The following SPSB1 variants were observed in gnomAD, a reference collection of about 807,000 sequenced individuals.
The protein encoded by SPSB1 is SPRY domain-containing SOCS box protein 1.
In SPSB1, 8 loss-of-function variants were observed where a neutral mutation model predicts 21.2. The ratio of observed to expected loss-of-function variants is 0.38; its 90% CI spans 0.22 to 0.68. The LOEUF (loss-of-function observed/expected upper bound fraction) is 0.68. Among genes scored for constraint, SPSB1 ranks in the 30% least tolerant of loss-of-function variants. The pLI is 0.53. For missense variants in SPSB1, 242 were observed against 377.8 expected (o/e 0.64, Z 2.98); for synonymous variants, 169 against 161.7 (o/e 1.05, Z -0.34).
chr1:9,303,979 G>C (rs1639372949), intron 1 of SPSB1, among the ~76,000 whole-genome samples: 1 of 152,220 alleles, frequency 6.6e-6, no homozygotes, highest in African/African-American at 2.4e-5. Flanking sequence ...GCTGCCCCAG[G>C]TGTGTCTGTG....
intron 1 of SPSB1, among the ~76,000 whole-genome samples, chr1:9,319,811 C>T (rs1639683766): frequency 1.3e-5 from 2 of 152,044 alleles, no homozygotes; most frequent in South Asian, 2.1e-4. Flanking sequence ...TGAGTGAGCC[C>T]TCACATCCAC....
intron 2 of SPSB1, among the ~76,000 whole-genome samples, chr1:9,365,827 G>A (rs538816356): frequency 3.3e-5 from 5 of 152,310 alleles, no homozygotes; most frequent in African/African-American, 1.2e-4. Context: ...AGGGGAGACC[G>A]TGGATGAAGC....
chr1:9,316,309 C>T (rs1422469090), intron 1 of SPSB1, among the ~76,000 whole-genome samples: 3 of 152,138 alleles, frequency 2.0e-5, no homozygotes, highest in East Asian at 3.8e-4. Flanking sequence ...GAGATGGGGG[C>T]GTCCCTTGGC....
At chr1:9,334,651 G>A (rs1357911700) in intron 1 of SPSB1, among the ~76,000 whole-genome samples, 13 of 152,044 alleles carry the variant, frequency 8.6e-5, no homozygotes, top group Non-Finnish European at 1.8e-4. Context: ...GTGCCCATTC[G>A]TCACTGACCC....
At position 9,367,427 on chromosome 1, in the gene SPSB1, G is replaced by A; in HGVS notation, c.695-21G>A. On this transcript the variant is annotated intron_variant, in intron 2 of 2. Coordinates refer to ENST00000328089, the MANE Select transcript of SPSB1 (RefSeq NM_025106.4). The surrounding 1 kb of genome is among the most constrained non-coding windows in gnomAD (Gnocchi z 5.9). ...ACACCCACCCAAGCTGCGCTGACCTGCAGTTTCTCTGTCTCCCCAGCCGAG... is the reference window on the plus strand; with the variant it reads ...ACACCCACCCAAGCTGCGCTGACCTACAGTTTCTCTGTCTCCCCAGCCGAG... 6.2e-7 allele frequency: 1 copy of A among 1,613,058 alleles called. No homozygotes were observed. Among genetic ancestry groups the A allele is most frequent in the African/African-American group, 1.3e-5 (1 of 75,048 alleles).
intron 1 of SPSB1, among the ~76,000 whole-genome samples, chr1:9,310,644 G>T (rs1040822132): frequency 6.6e-6 from 1 of 151,888 alleles, no homozygotes; most frequent in South Asian, 2.1e-4. Context: ...GCAGTGAGTT[G>T]TGATTGCACC....
At chr1:9,360,858 G>T (rs1293488545) in intron 2 of SPSB1, among the ~76,000 whole-genome samples, 1 of 152,238 alleles carries the variant, frequency 6.6e-6, no homozygotes. Flanking sequence ...ACCCGCTTCA[G>T]ATGTGGAGGC....
Position 9,317,300 on chromosome 1 carries a change from G to A in SPSB1, c.-150+24229G>A, listed in dbSNP as rs1639631941. 6.6e-6 allele frequency among the ~76,000 whole-genome samples: 1 copy of A among 152,128 alleles called. No individual in the cohort carries two copies. The highest frequency in any genetic ancestry group is 2.1e-4 in the South Asian group (1 of 4,824). On this transcript the variant is annotated intron_variant, in intron 1 of 2. Coordinates refer to ENST00000328089, the MANE Select transcript of SPSB1 (RefSeq NM_025106.4). The surrounding 1 kb of genome is among the most constrained non-coding windows in gnomAD (Gnocchi z 4.3). ...GGGAAGAAGGGAATAAATGTCACTG[G>A]CGGAAGGTGGCATGTGTGTGCAAAA...
In SPSB1 at chr1:9,364,465, C is replaced by A. The variant is rs1427898293; in HGVS notation, c.695-2983C>A. On this transcript the variant is annotated intron_variant, in intron 2 of 2. Coordinates refer to ENST00000328089, the MANE Select transcript of SPSB1 (RefSeq NM_025106.4). Reference sequence around the variant, plus strand: ...TCCGGGCAGACGGAGGGATGTGCTCCAGGTCAGGCTGCGGGGCAGGGTCTG... The same window carrying A: ...TCCGGGCAGACGGAGGGATGTGCTCAAGGTCAGGCTGCGGGGCAGGGTCTG... 2.0e-5 allele frequency among the ~76,000 whole-genome samples: 3 copies of A among 152,222 alleles called. No individual in the cohort carries two copies. In the East Asian group the frequency reaches 5.8e-4, roughly 29 times the overall value.
At chr1:9,328,725 G>A (rs993082425) in intron 1 of SPSB1, among the ~76,000 whole-genome samples, 1 of 152,224 alleles carries the variant, frequency 6.6e-6, no homozygotes, top group Non-Finnish European at 1.5e-5. Flanking sequence ...ACGTGAAGAT[G>A]GTTTTGTCCC....
chr1:9,313,396 G>A lies in SPSB1; in HGVS notation c.-150+20325G>A, dbSNP rs4908839. Among the ~76,000 whole-genome samples, 1,190 of 152,050 alleles carry A rather than the reference G, an allele frequency of 7.8e-3. 47 individuals are homozygous for A. Among genetic ancestry groups the A allele is most frequent in the Admixed American group, 0.069 (1,059 of 15,266 alleles). ...GCCTGGGCAACAAGAGCGAAACACC[G>A]CTCTTCATTTTCTATAAAATGAAAT... On this transcript the variant is annotated intron_variant, in intron 1 of 2. Coordinates refer to ENST00000328089, the MANE Select transcript of SPSB1 (RefSeq NM_025106.4).
In SPSB1 at chr1:9,355,215, G is replaced by T. The variant is rs571645319; in HGVS notation, c.-149-528G>T. 2.0e-5 allele frequency among the ~76,000 whole-genome samples: 3 copies of T among 152,342 alleles called. No homozygotes were observed. In the East Asian group the frequency reaches 5.8e-4, roughly 29 times the overall value. Reference sequence around the variant, plus strand: ...GCACCAGAAGGCCCTTTTCTGCAGTGAATTGGTGGTGCGTCTGCTGGAGGT... The same window carrying T: ...GCACCAGAAGGCCCTTTTCTGCAGTTAATTGGTGGTGCGTCTGCTGGAGGT... On this transcript the variant is annotated intron_variant, in intron 1 of 2. Coordinates refer to ENST00000328089, the MANE Select transcript of SPSB1 (RefSeq NM_025106.4).
Position 9,343,761 on chromosome 1 carries a change from A to G in SPSB1, c.-149-11982A>G, listed in dbSNP as rs527897971. On this transcript the variant is annotated intron_variant, in intron 1 of 2. Transcript: ENST00000328089. Reference sequence around the variant, plus strand: ...AACCTTTTCCCTTGTGCTCTTGTACAGAGATCCTTCCCATTAGCAGGTTTT... The same window carrying G: ...AACCTTTTCCCTTGTGCTCTTGTACGGAGATCCTTCCCATTAGCAGGTTTT... Among the ~76,000 whole-genome samples the G allele has an allele frequency of 3.5e-4, 53 of 152,084 alleles. 2 individuals carry two copies. In the South Asian group the frequency reaches 5.9e-3, roughly 17 times the overall value.
At chr1:9,353,935 A>G (rs1486586893) in intron 1 of SPSB1, among the ~76,000 whole-genome samples, 10 of 150,296 alleles carry the variant, frequency 6.7e-5, no homozygotes. Context: ...AAAAAAAGGA[A>G]CCCTGTGTCT....
At chr1:9,353,192 C>T (rs552285988) in intron 1 of SPSB1, among the ~76,000 whole-genome samples, 1 of 151,670 alleles carries the variant, frequency 6.6e-6, no homozygotes, top group Admixed American at 6.6e-5. Context: ...CGCCTCAGCC[C>T]GCCCGGCCCC....
intron 1 of SPSB1, among the ~76,000 whole-genome samples, chr1:9,311,466 C>T (rs754620110): frequency 2.6e-5 from 4 of 152,282 alleles, no homozygotes; most frequent in Non-Finnish European, 5.9e-5. Context: ...CCACCCAGCA[C>T]CAACAAATAT....
chr1:9,336,664 G>A (rs551700802), intron 1 of SPSB1, among the ~76,000 whole-genome samples: 96 of 152,328 alleles, frequency 6.3e-4, no homozygotes, highest in Admixed American at 2.1e-3. Flanking sequence ...CACCCGTGGC[G>A]CTGGGCTAGT....
intron 1 of SPSB1, among the ~76,000 whole-genome samples, chr1:9,347,651 C>T (rs1236940530): frequency 2.6e-5 from 4 of 152,220 alleles, no homozygotes; most frequent in African/African-American, 7.2e-5. Context: ...TCTGTTACGT[C>T]ACCACTTTGG....
At chr1:9,325,229 C>T (rs76171956) in intron 1 of SPSB1, among the ~76,000 whole-genome samples, 3 of 148,758 alleles carry the variant, frequency 2.0e-5, no homozygotes, top group African/African-American at 7.6e-5. Flanking sequence ...ACCACCACCC[C>T]CCCCCCCCGC....
Sources: gnomAD v4.1 joint callset for allele counts (sites outside exome capture counted in the v4.1 genomes callset) on GRCh38, gnomAD v4.1.1 for gene constraint, Gnocchi (gnomAD v3.1) non-coding constraint, MANE v1.5 for transcripts, NCBI Gene and HGNC (gene_info 2026-07-23, HGNC 2026-07-21) for gene names.